Variants in GOLGA6L9 observed in about 807,000 individuals in gnomAD.
GOLGA6L9 encodes the protein golgin A6 family like 9.
A neutral mutation model predicts 51.3 loss-of-function variants in GOLGA6L9; 19 were observed. The ratio of observed to expected loss-of-function variants is 0.37; its 90% confidence interval spans 0.26 to 0.54. The LOEUF (loss-of-function observed/expected upper bound fraction) is 0.54, where lower values mean the gene tolerates loss of function less well. GOLGA6L9 is among the 20% of genes least tolerant of loss of function. GOLGA6L9 has a pLI of 0.83. For missense variants in GOLGA6L9, 247 were observed against 464.1 expected, an observed-to-expected ratio of 0.53 and a Z score of 4.30; for synonymous variants, 97 against 184.2, an observed-to-expected ratio of 0.53 and a Z score of 3.83.
In GOLGA6L9 at chr15:82,436,438, A is replaced by AG; in HGVS notation, c.*27_*28insG. 1 of 1,516,130 alleles carries AG rather than the reference A, an allele frequency of 6.6e-7. No individual in the cohort carries two copies. 93.9% of individuals were successfully genotyped at this position (1,516,130 alleles called of 1,614,324 possible). A position where few individuals can be genotyped will look rare whatever the true frequency, so the allele number is the denominator to read the frequency against. The stretch of plus-strand genomic sequence containing the variant: ...AGCGGGTCAAGAAATTGAAAAAAAA[A>AG]AACAAAACATTTAAGGGGTTAATAT... On this transcript the variant is annotated 3_prime_UTR_variant, in exon 9 of 9. Coordinates refer to ENST00000618348, the MANE Select transcript of GOLGA6L9 (RefSeq NM_198181.4).
chr15:82,429,450 A>AT, upstream of GOLGA6L9, among the ~76,000 whole-genome samples: 1 of 152,304 alleles, frequency 6.6e-6, no homozygotes, highest in South Asian at 2.1e-4. Flanking sequence ...ATGTAGGAGA[A>AT]TAAGACAAAC....
chr15:82,436,387 G>C lies in GOLGA6L9; in HGVS notation c.1275G>C (p.Arg425Ser), dbSNP rs2031671981. 1.3e-6 allele frequency: 2 copies of C among 1,595,446 alleles called. No homozygotes were observed. The highest frequency in any genetic ancestry group is 2.2e-5 in the South Asian group (2 of 90,640). Residue 425 changes from arginine (R) to serine (S), a missense_variant, in exon 9 of 9, where the codon AGG becomes AGC. By Grantham distance (110) the Arg-to-Ser change is moderately radical. Coordinates refer to ENST00000618348, the MANE Select transcript of GOLGA6L9 (RefSeq NM_198181.4). ...ACHSFRAAEN[R>S]ELNITII ...ATTCTTTTCGGGCTGCCGAGAACAG[G>C]GAGCTAAACATCACCATCATCTAAG...
the GOLGA6L9 span, among the ~76,000 whole-genome samples, chr15:82,416,992 A>G: frequency 6.6e-6 from 1 of 152,216 alleles, no homozygotes; most frequent in Non-Finnish European, 1.5e-5. Flanking sequence ...GCCCATTAGC[A>G]GTCACTCTGT....
At position 82,429,947 on chromosome 15, in the gene GOLGA6L9, G is replaced by A. The variant is rs1567130452; in HGVS notation, c.-133G>A. 7 of 1,067,556 alleles carry A rather than the reference G, an allele frequency of 6.6e-6. No homozygotes were observed. In the South Asian group the frequency reaches 7.5e-5, roughly 11 times the overall value. The allele number at this position is 1,067,556 out of a possible 1,614,324, so 66.1% of individuals were successfully genotyped here. Reference sequence around the variant, plus strand: ...CCTTTCATCTTTCTCACTGACCAATGGGCTTGGAACATTAAGGCCACGCCC... The same window carrying A: ...CCTTTCATCTTTCTCACTGACCAATAGGCTTGGAACATTAAGGCCACGCCC... On this transcript the variant is annotated 5_prime_UTR_variant, in exon 1 of 9. The change abolishes an upstream ATG in the 5' untranslated region. Transcript: ENST00000618348.
At position 82,437,907 on chromosome 15, in the gene GOLGA6L9, G is replaced by A. The variant is rs1301816202; in HGVS notation, c.*1496G>A. On this transcript the variant is annotated 3_prime_UTR_variant, in exon 9 of 9. Coordinates refer to ENST00000618348, the MANE Select transcript of GOLGA6L9 (RefSeq NM_198181.4). ...AAGTTCTTTACAAAGAGTGAAATAT[G>A]TTTTTATACCTCTCAGTTTCAGTTA... The A allele has an allele frequency of 3.3e-5, 5 of 151,168 alleles. No homozygotes were observed. The highest frequency in any genetic ancestry group is 7.4e-5 in the Non-Finnish European group (5 of 67,798). 9.4% of individuals were successfully genotyped at this position (151,168 alleles called of 1,614,324 possible).
chr15:82,420,466 T>G, the GOLGA6L9 span, among the ~76,000 whole-genome samples: 3 of 152,128 alleles, frequency 2.0e-5, no homozygotes, highest in Admixed American at 1.3e-4. Flanking sequence ...TATTTACTTA[T>G]TTTTACTTTT....
rs1161908779 is a variant in GOLGA6L9 at position 82,434,144 on chromosome 15, G to C, written c.544G>C (p.Ala182Pro). The C allele has an allele frequency of 6.5e-7, 1 of 1,534,708 alleles. No homozygotes were observed. The highest frequency in any genetic ancestry group is 8.7e-7 in the Non-Finnish European group (1 of 1,148,054). ...ELESVGRQLQ[A>P]EVENNQMLSL... ...AGAGAGTGTGGGAAGACAGCTCCAG[G>C]CTGAGGTGGAAAACAATCAGATGTT... Residue 182 changes from alanine (A) to proline (P), a missense_variant, in exon 6 of 9, where the codon GCT becomes CCT. By Grantham distance (27) the Ala-to-Pro change is conservative. This residue lies in a region of GOLGA6L9 where 25 missense variants were observed against 49.6 expected (regional missense o/e 0.50). Transcript: ENST00000618348.
the GOLGA6L9 span, among the ~76,000 whole-genome samples, chr15:82,417,325 A>T: frequency 2.0e-5 from 3 of 152,194 alleles, no homozygotes; most frequent in African/African-American, 7.2e-5. Context: ...CTCAATATTC[A>T]GTAGGAACCC....
chr15:82,419,136 T>C, the GOLGA6L9 span: 87 of 174,620 alleles, frequency 5.0e-4, 1 homozygote, highest in Non-Finnish European at 1.6e-4. Context: ...TTCTTAATAA[T>C]GCCACATGGA....
rs1466997098 is a variant in GOLGA6L9 at position 82,432,812 on chromosome 15, C to T, written c.265-5C>T. ...TCCAACTCCTTCTCTCTGCATGCAC[C>T]TCAGAGCCAGTACCAAGAACTAGCA... On this transcript the variant is annotated splice_polypyrimidine_tract_variant and splice_region_variant and intron_variant, in intron 3 of 8. Coordinates refer to ENST00000618348, the MANE Select transcript of GOLGA6L9 (RefSeq NM_198181.4). The T allele has an allele frequency of 1.7e-4, 278 of 1,612,038 alleles. 1 individual carries two copies. The Admixed American group carries it at 4.6e-3, about 26-fold the overall frequency.
intron 5 of GOLGA6L9, 135 bp from the exon 6 acceptor site, chr15:82,433,899 A>C (rs2031529416): frequency 8.1e-7 from 1 of 1,239,888 alleles, no homozygotes; most frequent in Non-Finnish European, 1.1e-6. Flanking sequence ...ATTGTCTACC[A>C]TCCGGGTGTG....
In GOLGA6L9 at chr15:82,438,046, T is replaced by G. The variant is rs2031770443; in HGVS notation, c.*1635T>G. The stretch of plus-strand genomic sequence containing the variant: ...GAGTTCAGTTTAAAGACAGTTACTT[T>G]AAGCCCATTTTAAACCCTCAGGCTA... On this transcript the variant is annotated 3_prime_UTR_variant, in exon 9 of 9. Transcript: ENST00000618348. The G allele has an allele frequency of 6.6e-6, 1 of 151,074 alleles. No individual in the cohort carries two copies. The highest frequency in any genetic ancestry group is 2.4e-5 in the African/African-American group (1 of 40,862). The allele number at this position is 151,074 out of a possible 1,614,324, so 9.4% of individuals were successfully genotyped here.
In GOLGA6L9 at chr15:82,431,970, C is replaced by G. The variant is rs1476274130; in HGVS notation, c.204+21C>G. 37 of 1,342,528 alleles carry G rather than the reference C, an allele frequency of 2.8e-5. 9 individuals are homozygous for G. The highest frequency in any genetic ancestry group is 2.5e-4 in the Middle Eastern group (1 of 3,972). 83.2% of individuals were successfully genotyped at this position (1,342,528 alleles called of 1,614,324 possible). A position where few individuals can be genotyped will look rare whatever the true frequency, so the allele number is the denominator to read the frequency against. On this transcript the variant is annotated intron_variant, in intron 2 of 8. Transcript: ENST00000618348. ...GGGATGTGAGTCTCGGCGGGCCAGGCTCCTGGGGACAGGGAGCCCAAGGGG... is the reference window on the plus strand; with the variant it reads ...GGGATGTGAGTCTCGGCGGGCCAGGGTCCTGGGGACAGGGAGCCCAAGGGG...
upstream of GOLGA6L9, among the ~76,000 whole-genome samples, chr15:82,428,988 C>T (rs2031293774): frequency 6.6e-6 from 1 of 151,962 alleles, no homozygotes; most frequent in South Asian, 2.1e-4. Context: ...AAAAATGGGC[C>T]TTGTATTTGT....
rs1374373953 is a variant in GOLGA6L9 at position 82,429,905 on chromosome 15, T to G, written c.-175T>G. ...CAGGTCCCTCTGGACATGCTGCGCC[T>G]GGCCACGCCTCCTTTCCCTTTCATC... is the stretch of plus-strand genomic sequence containing the variant. On this transcript the variant is annotated 5_prime_UTR_variant, in exon 1 of 9. Transcript: ENST00000618348. 8 of 822,856 alleles carry G rather than the reference T, an allele frequency of 9.7e-6. No individual in the cohort carries two copies. Among genetic ancestry groups the G allele is most frequent in the Admixed American group, 1.7e-5 (1 of 57,902 alleles). 51.0% of individuals were successfully genotyped at this position (822,856 alleles called of 1,614,324 possible).
chr15:82,418,265 G>A, the GOLGA6L9 span, among the ~76,000 whole-genome samples: 1 of 152,258 alleles, frequency 6.6e-6, no homozygotes, highest in Non-Finnish European at 1.5e-5. Flanking sequence ...TGGAATGGAA[G>A]ATGCGCAGGC....
chr15:82,429,224 A>G (rs2150824797), upstream of GOLGA6L9, among the ~76,000 whole-genome samples: 1 of 151,654 alleles, frequency 6.6e-6, no homozygotes, highest in South Asian at 2.1e-4. Context: ...ACAAGCACCC[A>G]CCACCACACC....
the GOLGA6L9 span, among the ~76,000 whole-genome samples, chr15:82,416,623 A>G: frequency 6.6e-6 from 1 of 152,212 alleles, no homozygotes; most frequent in Non-Finnish European, 1.5e-5. Context: ...TGGTCTTAAT[A>G]GTCAACTATT....
At chr15:82,417,470 T>TA in the GOLGA6L9 span, among the ~76,000 whole-genome samples, 1 of 152,248 alleles carries the variant, frequency 6.6e-6, no homozygotes, top group Non-Finnish European at 1.5e-5. Context: ...TTACTTATCT[T>TA]ACTTATGTAG....
Sources: allele counts gnomAD v4.1 joint callset (sites outside exome capture counted in the v4.1 genomes callset), GRCh38; gene constraint gnomAD v4.1.1; regional missense constraint gnomAD v4.1.1; transcripts MANE v1.5; gene names NCBI Gene and HGNC (gene_info 2026-07-23, HGNC 2026-07-21).